The following TMOD1 variants were observed in gnomAD, a reference collection of about 807,000 sequenced individuals.
The protein encoded by TMOD1 is tropomodulin-1.
A neutral mutation model predicts 40.6 loss-of-function variants in TMOD1; 17 were observed. The ratio of observed to expected loss-of-function variants is 0.42; its 90% CI spans 0.29 to 0.63. TMOD1 has a LOEUF of 0.63. Among genes scored for constraint, TMOD1 ranks in the 20% least tolerant of loss-of-function variants. The pLI is 0.22. For synonymous variants in TMOD1, 181 were observed against 175.0 expected (o/e 1.03, Z -0.27); for missense variants, 391 against 447.6 (o/e 0.87, Z 1.14).
intron 2 of TMOD1, among the ~76,000 whole-genome samples, chr9:97,536,094 C>T (rs930622027): frequency 5.3e-5 from 8 of 152,140 alleles, no homozygotes; most frequent in African/African-American, 1.4e-4. Context: ...GTGAGAAGAG[C>T]GCTCCACTGC....
chr9:97,559,794 A>AATATATATATATATATAT (rs1193457397), intron 4 of TMOD1, among the ~76,000 whole-genome samples: 4 of 23,164 alleles, frequency 1.7e-4, no homozygotes, highest in Admixed American at 7.4e-4. Context: ...AAAAAAAAAA[A>AATATATATATATATATAT]ATATATATAT....
chr9:97,520,691 A>G (rs1829900694), intron 1 of TMOD1, among the ~76,000 whole-genome samples: 2 of 152,246 alleles, frequency 1.3e-5, no homozygotes, highest in African/African-American at 4.8e-5. Flanking sequence ...TTAGAAATCA[A>G]TAGCACCTTG....
intron 2 of TMOD1, among the ~76,000 whole-genome samples, chr9:97,537,236 G>A (rs1830197962): frequency 6.6e-6 from 1 of 152,202 alleles, no homozygotes; most frequent in Non-Finnish European, 1.5e-5. Context: ...TTAATGCATT[G>A]TGTGTGTTCA....
intron 8 of TMOD1, among the ~76,000 whole-genome samples, chr9:97,575,780 G>A (rs1365043038): frequency 6.6e-6 from 1 of 152,196 alleles, no homozygotes; most frequent in Non-Finnish European, 1.5e-5. Context: ...TAAGGTGTTG[G>A]TTGGTAATTT....
chr9:97,598,378 T>C (rs1826161193), intron 9 of TMOD1, among the ~76,000 whole-genome samples: 1 of 151,506 alleles, frequency 6.6e-6, no homozygotes, highest in South Asian at 2.1e-4. Flanking sequence ...ACTAGCTTTA[T>C]TGCTTTAAGC....
At chr9:97,586,549 G>A (rs1410528974) in intron 8 of TMOD1, among the ~76,000 whole-genome samples, 4 of 151,390 alleles carry the variant, frequency 2.6e-5, no homozygotes, top group South Asian at 2.1e-4. Context: ...CGAGCTTCCC[G>A]GCTGCTTTGT....
At chr9:97,517,470 G>A (rs1338430920) in intron 1 of TMOD1, among the ~76,000 whole-genome samples, 3 of 152,174 alleles carry the variant, frequency 2.0e-5, no homozygotes, top group Non-Finnish European at 1.5e-5. Flanking sequence ...AAGAGGAGCT[G>A]CAAACCAGGC....
chr9:97,571,390 G>A (rs980574116), intron 8 of TMOD1, among the ~76,000 whole-genome samples: 1 of 152,144 alleles, frequency 6.6e-6, no homozygotes, highest in African/African-American at 2.4e-5. Flanking sequence ...CTGAGCCTCC[G>A]TTTCCTGGCT....
chr9:97,580,236 A>C (rs1371302722), intron 8 of TMOD1, among the ~76,000 whole-genome samples: 1 of 152,048 alleles, frequency 6.6e-6, no homozygotes, highest in African/African-American at 2.4e-5. Flanking sequence ...TTTGGTTTCT[A>C]TTTCTGGTTT....
chr9:97,546,136 C>T (rs753335769), intron 2 of TMOD1, 49 bp from the exon 3 acceptor site: 6 of 1,424,242 alleles, frequency 4.2e-6, no homozygotes, highest in Non-Finnish European at 9.4e-7. Context: ...CTCTCTCTTT[C>T]TCTCTCTCTC....
chr9:97,588,046 A>G (rs1825917754), intron 8 of TMOD1, among the ~76,000 whole-genome samples: 1 of 152,214 alleles, frequency 6.6e-6, no homozygotes, highest in South Asian at 2.1e-4. Context: ...TATTCTGAAT[A>G]ATGCTGTTAT....
intron 9 of TMOD1, among the ~76,000 whole-genome samples, chr9:97,595,996 C>A (rs569344272): frequency 1.3e-5 from 2 of 152,118 alleles, no homozygotes; most frequent in South Asian, 4.2e-4. Context: ...ATCGCTTGAA[C>A]CCGGGAGGCA....
intron 1 of TMOD1, among the ~76,000 whole-genome samples, chr9:97,510,096 G>T (rs750308818): frequency 2.2e-4 from 34 of 151,928 alleles, no homozygotes; most frequent in Non-Finnish European, 4.7e-4. Context: ...TTTCATATTG[G>T]TTTTTTGGAA....
At chr9:97,582,943 C>T (rs910601465) in intron 8 of TMOD1, among the ~76,000 whole-genome samples, 4 of 151,640 alleles carry the variant, frequency 2.6e-5, no homozygotes, top group Admixed American at 1.3e-4. Context: ...ATGTCGTCTG[C>T]AAACAGGGAC....
At chr9:97,558,398 G>A (rs768235728) in intron 4 of TMOD1, among the ~76,000 whole-genome samples, 90 of 152,150 alleles carry the variant, frequency 5.9e-4, no homozygotes, top group Non-Finnish European at 1.1e-3. Flanking sequence ...GGAAAAGTTG[G>A]GGGTGGGGGG....
In TMOD1 at chr9:97,601,500, A is replaced by C; in HGVS notation, c.*1802A>C. On this transcript the variant is annotated 3_prime_UTR_variant, in exon 10 of 10. Coordinates refer to ENST00000259365, the MANE Select transcript of TMOD1 (RefSeq NM_003275.4). ...GCAGAGCTATCAGAGGAAATCTCTC[A>C]TAGAAACGAAACCAAACCAACAGAA... The C allele has an allele frequency of 8.1e-6, 8 of 989,848 alleles. No individual in the cohort carries two copies. Among genetic ancestry groups the C allele is most frequent in the Non-Finnish European group, 9.6e-6 (8 of 832,598 alleles). The allele number at this position is 989,848 out of a possible 1,614,324, so 61.3% of individuals were successfully genotyped here.
intron 8 of TMOD1, among the ~76,000 whole-genome samples, chr9:97,577,788 A>C (rs1825643769): frequency 6.6e-6 from 1 of 152,220 alleles, no homozygotes; most frequent in Admixed American, 6.5e-5. Context: ...ACATAAAATA[A>C]AATAAAATGA....
intron 4 of TMOD1, chr9:97,555,630 G>T: frequency 4.5e-6 from 7 of 1,551,014 alleles, no homozygotes; most frequent in Non-Finnish European, 6.1e-6. Flanking sequence ...GTCATTTGAT[G>T]TTGGACATTT....
chr9:97,548,825 T>C (rs1342243423), intron 3 of TMOD1, among the ~76,000 whole-genome samples: 1 of 152,160 alleles, frequency 6.6e-6, no homozygotes, highest in African/African-American at 2.4e-5. Context: ...CTTGGAGTAT[T>C]TGAATGCTAG....
Sources: gnomAD v4.1 joint callset for allele counts (sites outside exome capture counted in the v4.1 genomes callset) on GRCh38, gnomAD v4.1.1 for gene constraint, MANE v1.5 for transcripts, NCBI Gene and HGNC (gene_info 2026-07-23, HGNC 2026-07-21) for gene names.